Variants in ZNF592 observed in about 807,000 individuals in gnomAD.
ZNF592 encodes spinocerebellar ataxia, autosomal recessive 5.
Under a neutral mutation model 80.3 loss-of-function variants are expected in ZNF592, and 11 were observed. The ratio of observed to expected loss-of-function variants is 0.14; its 90% CI spans 0.09 to 0.23. The LOEUF (loss-of-function observed/expected upper bound fraction) is 0.23. Ranked by LOEUF, ZNF592 falls within the 10% of genes least tolerant of loss-of-function variation. The pLI, the probability that ZNF592 is intolerant of heterozygous loss-of-function variation, is 1.00. For synonymous variants in ZNF592, 646 were observed against 640.3 expected, an observed-to-expected ratio of 1.01 and a Z score of -0.13; for missense variants, 1,420 against 1,633.9, an observed-to-expected ratio of 0.87 and a Z score of 2.26.
chr15:84,778,211 A>C lies in ZNF592; in HGVS notation c.-121A>C. On this transcript the variant is annotated 5_prime_UTR_variant, in exon 3 of 11. Coordinates refer to ENST00000560079, the MANE Select transcript of ZNF592 (RefSeq NM_014630.3). ...CGGAGAGTTTAATAGGCAAGAAGGAAGGGAGAAGACAGAAGGAAGACGCTC... is the reference window on the plus strand; with the variant it reads ...CGGAGAGTTTAATAGGCAAGAAGGACGGGAGAAGACAGAAGGAAGACGCTC... 1 of 174,456 alleles carries C rather than the reference A, an allele frequency of 5.7e-6. No homozygotes were observed. Among genetic ancestry groups the C allele is most frequent in the Non-Finnish European group, 1.2e-5 (1 of 81,896 alleles). 10.8% of individuals were successfully genotyped at this position (174,456 alleles called of 1,614,324 possible).
rs1898987240 is a variant in ZNF592 at position 84,750,641 on chromosome 15, T to C, written c.-259+1977T>C. On this transcript the variant is annotated intron_variant, in intron 1 of 10. Transcript: ENST00000560079. ...AGTGGTAAACTAATAATTCAAACTA[T>C]AGTGAATATAAGAAGAGAAAGCTGA... Among the ~76,000 whole-genome samples the C allele has an allele frequency of 2.0e-5, 3 of 152,094 alleles. No homozygotes were observed. The South Asian group carries it at 6.2e-4, about 31-fold the overall frequency.
Position 84,768,060 on chromosome 15 carries a change from A to T in ZNF592, c.-150+3245A>T, listed in dbSNP as rs75652600. ...CCCAGCTAATTTTAATTTTAATTTT[A>T]ATTTTTTTTTTTTGTAGAGATGGGG... is the stretch of plus-strand genomic sequence containing the variant. On this transcript the variant is annotated intron_variant, in intron 2 of 10. Coordinates refer to ENST00000560079, the MANE Select transcript of ZNF592 (RefSeq NM_014630.3). Among the ~76,000 whole-genome samples the T allele has an allele frequency of 5.1e-3, 511 of 99,646 alleles. 2 individuals carry two copies. Among genetic ancestry groups the T allele is most frequent in the African/African-American group, 0.012 (453 of 36,708 alleles). The allele number at this position is 99,646 out of a possible 152,430, so 65.4% of individuals were successfully genotyped here. A position where few individuals can be genotyped will look rare whatever the true frequency, so the allele number is the denominator to read the frequency against.
chr15:84,772,714 G>C (rs966650031), intron 2 of ZNF592, among the ~76,000 whole-genome samples: 1 of 152,052 alleles, frequency 6.6e-6, no homozygotes, highest in Admixed American at 6.6e-5. Flanking sequence ...CTAATACAAC[G>C]AACAATGGCA....
intron 2 of ZNF592, among the ~76,000 whole-genome samples, chr15:84,769,885 C>G (rs1213221282): frequency 6.6e-6 from 1 of 152,208 alleles, no homozygotes; most frequent in Non-Finnish European, 1.5e-5. Flanking sequence ...AAGTGATCCT[C>G]CTACCTCAGC....
Position 84,778,264 on chromosome 15 carries a change from G to C in ZNF592, c.-68G>C. 3.5e-6 allele frequency: 1 copy of C among 286,200 alleles called. No homozygotes were observed. Among genetic ancestry groups the C allele is most frequent in the South Asian group, 3.0e-5 (1 of 33,152 alleles). 17.7% of individuals were successfully genotyped at this position (286,200 alleles called of 1,614,324 possible). A position where few individuals can be genotyped will look rare whatever the true frequency, so the allele number is the denominator to read the frequency against. ...CCGTACGGAGACAGAGGGAGGGGGGGCTCCAAAGCCGAAAGAGGAGGTCCC... is the reference window on the plus strand; with the variant it reads ...CCGTACGGAGACAGAGGGAGGGGGGCCTCCAAAGCCGAAAGAGGAGGTCCC... On this transcript the variant is annotated 5_prime_UTR_variant, in exon 3 of 11. Coordinates refer to ENST00000560079, the MANE Select transcript of ZNF592 (RefSeq NM_014630.3).
At chr15:84,770,349 A>G (rs1190247694) in intron 2 of ZNF592, among the ~76,000 whole-genome samples, 1 of 152,214 alleles carries the variant, frequency 6.6e-6, no homozygotes, top group African/African-American at 2.4e-5. Context: ...AAATAGCAGG[A>G]AAGAGAACAC....
chr15:84,783,675 A>C lies in ZNF592; in HGVS notation c.1000A>C (p.Ser334Arg). The C allele has an allele frequency of 6.2e-7, 1 of 1,614,244 alleles. No individual in the cohort carries two copies. Residue 334 changes from serine (S) to arginine (R), a missense_variant, in exon 4 of 11, where the codon AGC becomes CGC. Physicochemically the swap from Ser to Arg is moderately radical, Grantham distance 110. Transcript: ENST00000560079. The surrounding 1 kb of genome is among the most constrained non-coding windows in gnomAD (Gnocchi z 5.0). The part of the protein sequence containing the change: ...KMPKSPKSPR[S>R]PLEATRKSIK... ...GCCCAAGTCACCAAAGAGTCCCCGG[A>C]GCCCTCTGGAGGCCACTAGAAAAAG...
chr15:84,790,757 AC>A lies in ZNF592; in HGVS notation c.2275del (p.Gln759SerfsTer28), dbSNP rs1212528559. On this transcript the variant is annotated frameshift_variant, in exon 5 of 11. Transcript: ENST00000560079. LOFTEE classifies it high-confidence loss of function. ...CCCAACCAGTGCAGTTTCTGTGCCC[AC>A]CAGCGGATTCATGCACACAAGTCCC... is the stretch of plus-strand genomic sequence containing the variant. ...LLPNQCSFCA[H>X]QRIHAHKSPY... The A allele has an allele frequency of 6.2e-7, 1 of 1,613,978 alleles. No individual in the cohort carries two copies. Among genetic ancestry groups the A allele is most frequent in the Non-Finnish European group, 8.5e-7 (1 of 1,180,020 alleles).
chr15:84,789,624 C>T (rs2141992507), intron 4 of ZNF592, among the ~76,000 whole-genome samples: 1 of 152,330 alleles, frequency 6.6e-6, no homozygotes, highest in East Asian at 1.9e-4. Context: ...TAGTAGCCAT[C>T]CTAGTGGGTT....
In ZNF592 at chr15:84,803,442, TGGAGCTTGTGGTTA is replaced by T. The variant is rs1233189528; in HGVS notation, c.*1053_*1066del. On this transcript the variant is annotated 3_prime_UTR_variant, in exon 11 of 11. Transcript: ENST00000560079. ...TCTAAGGAAGGCCTTCTCTAGATTCTGGAGCTTGTGGTTAGGAAACCGGGAGCCCTGTACTACTT... is the reference window on the plus strand; with the variant it reads ...TCTAAGGAAGGCCTTCTCTAGATTCTGGAAACCGGGAGCCCTGTACTACTT... 6.6e-6 allele frequency: 1 copy of T among 152,610 alleles called. No individual in the cohort carries two copies. The highest frequency in any genetic ancestry group is 1.5e-5 in the Non-Finnish European group (1 of 68,046). 9.5% of individuals were successfully genotyped at this position (152,610 alleles called of 1,614,324 possible). A position where few individuals can be genotyped will look rare whatever the true frequency, so the allele number is the denominator to read the frequency against.
At chr15:84,773,826 G>A (rs917612221) in intron 2 of ZNF592, among the ~76,000 whole-genome samples, 3 of 151,892 alleles carry the variant, frequency 2.0e-5, no homozygotes, top group African/African-American at 4.8e-5. Context: ...CTGAGATTTC[G>A]CAGGACCTCT....
At chr15:84,795,005 A>G (rs976770236) in intron 5 of ZNF592, among the ~76,000 whole-genome samples, 3 of 151,764 alleles carry the variant, frequency 2.0e-5, no homozygotes, top group African/African-American at 7.2e-5. Flanking sequence ...GAGTTTTACA[A>G]TATTATTTTA....
intron 5 of ZNF592, among the ~76,000 whole-genome samples, chr15:84,793,629 A>G (rs932371633): frequency 6.6e-6 from 1 of 152,204 alleles, no homozygotes; most frequent in Non-Finnish European, 1.5e-5. Flanking sequence ...GAGTTGTGCA[A>G]TCACTACAAA....
intron 5 of ZNF592, among the ~76,000 whole-genome samples, chr15:84,793,798 A>G (rs1178534118): frequency 2.0e-5 from 3 of 152,240 alleles, no homozygotes; most frequent in Non-Finnish European, 4.4e-5. Context: ...CATATTTGCA[A>G]GGTTCATCCA....
At chr15:84,779,983 A>G (rs1203150462) in intron 3 of ZNF592, among the ~76,000 whole-genome samples, 5 of 134,730 alleles carry the variant, frequency 3.7e-5, no homozygotes, top group Non-Finnish European at 6.3e-5. Flanking sequence ...TTTCCTAGAC[A>G]GTTTTGTTTT....
intron 1 of ZNF592, among the ~76,000 whole-genome samples, chr15:84,761,587 G>C (rs1409804891): frequency 6.6e-6 from 1 of 152,080 alleles, no homozygotes; most frequent in Non-Finnish European, 1.5e-5. Context: ...GAAAAGGAAG[G>C]GTCATCCTCA....
chr15:84,775,844 T>C (rs1962235834), intron 2 of ZNF592, among the ~76,000 whole-genome samples: 1 of 152,222 alleles, frequency 6.6e-6, no homozygotes, highest in Non-Finnish European at 1.5e-5. Context: ...TTTACTTAAA[T>C]GTTTGGTAAA....
intron 4 of ZNF592, among the ~76,000 whole-genome samples, chr15:84,790,016 G>T (rs1962697292): frequency 6.6e-6 from 1 of 152,214 alleles, no homozygotes; most frequent in South Asian, 2.1e-4. Flanking sequence ...GAACAAAGGA[G>T]CTGCTACCTA....
In ZNF592 at chr15:84,798,505, G is replaced by A. The variant is rs779904095; in HGVS notation, c.2736+31G>A. 17 of 1,613,848 alleles carry A rather than the reference G, an allele frequency of 1.1e-5. No individual in the cohort carries two copies. The highest frequency in any genetic ancestry group is 1.7e-5 in the Admixed American group (1 of 60,012). ...ATGCCTTGCGGGAGGAGGCCGGGGA[G>A]GAGGGCACATGCCTCAGGCTGGGGG... On this transcript the variant is annotated intron_variant, in intron 7 of 10. Coordinates refer to ENST00000560079, the MANE Select transcript of ZNF592 (RefSeq NM_014630.3). This position sits in a 1 kb window ranked among gnomAD's most constrained non-coding sequence, Gnocchi z 4.5.
Sources: allele counts gnomAD v4.1 joint callset (sites outside exome capture counted in the v4.1 genomes callset), GRCh38; gene constraint gnomAD v4.1.1; non-coding constraint Gnocchi (gnomAD v3.1); transcripts MANE v1.5; gene names NCBI Gene and HGNC (gene_info 2026-07-23, HGNC 2026-07-21).